MYO9B: variants seen among roughly 807,000 people sequenced by gnomAD.
MYO9B encodes the protein myosin IXB, also known as unconventional myosin-IXb.
Under a neutral mutation model 229.5 loss-of-function variants are expected in MYO9B, and 71 were observed. The observed-to-expected ratio is 0.31, with a 90% CI of 0.26 to 0.38. MYO9B has a LOEUF of 0.38. Ranked by LOEUF, MYO9B falls within the 10% of genes least tolerant of loss-of-function variation. The probability of loss-of-function intolerance (pLI) is 1.00; values close to 1 mark genes in which losing one functional copy is unlikely to be tolerated. For missense variants in MYO9B, 2,255 were observed against 2,920.5 expected, an observed-to-expected ratio of 0.77 and a Z score of 5.25; for synonymous variants, 1,185 against 1,235.8, an observed-to-expected ratio of 0.96 and a Z score of 0.86.
Position 17,183,817 on chromosome 19 carries a change from A to G in MYO9B, c.2334-12A>G. On this transcript the variant is annotated splice_polypyrimidine_tract_variant and intron_variant, in intron 15 of 39. Transcript: ENST00000682292. Reference sequence around the variant, plus strand: ...CCTTTTGTTCACAAAACCATTTTTAATATTTTGACAGGAAAAGTAAAGGTA... The same window carrying G: ...CCTTTTGTTCACAAAACCATTTTTAGTATTTTGACAGGAAAAGTAAAGGTA... 2 of 1,556,582 alleles carry G rather than the reference A, an allele frequency of 1.3e-6. No homozygotes were observed. The highest frequency in any genetic ancestry group is 1.7e-6 in the Non-Finnish European group (2 of 1,154,168).
At chr19:17,144,600 CA>C (rs967239561) in intron 2 of MYO9B, among the ~76,000 whole-genome samples, 103 of 131,674 alleles carry the variant, frequency 7.8e-4, no homozygotes, top group Non-Finnish European at 7.6e-4. Flanking sequence ...CTGTCTCAAA[CA>C]AAAAAAAAAA....
rs751047844 is a variant in MYO9B, at chr19:17,206,141, C to T, written c.5246C>T (p.Ala1749Val). 82 of 1,606,644 alleles carry T rather than the reference C, an allele frequency of 5.1e-5. No individual in the cohort carries two copies. The highest frequency in any genetic ancestry group is 1.3e-4 in the South Asian group (12 of 90,688). ...AANRTRELRQ[A>V]LQTDPAAVKL... is the part of the protein sequence containing the mutation. ...AACCGCACTCGGGAGCTCCGGCAGG[C>T]GCTGCAGACAGGTGGGCGCTGTGGG... Residue 1749 changes from alanine to valine, a missense_variant, in exon 32 of 40, where the codon GCG becomes GTG. Physicochemically the swap from Ala to Val is moderately conservative, Grantham distance 64. Coordinates refer to ENST00000682292, the MANE Select transcript of MYO9B (RefSeq NM_004145.4).
At chr19:17,128,710 C>T (rs911527867) in intron 2 of MYO9B, among the ~76,000 whole-genome samples, 8 of 152,224 alleles carry the variant, frequency 5.3e-5, no homozygotes, top group Non-Finnish European at 1.2e-4. Flanking sequence ...TCCGTGGCCT[C>T]GGGACGAGTG....
At chr19:17,121,986 C>CAA (rs78785498) in intron 2 of MYO9B, among the ~76,000 whole-genome samples, 15 of 133,356 alleles carry the variant, frequency 1.1e-4, no homozygotes, top group Admixed American at 3.0e-4. Flanking sequence ...AACCCTGTCT[C>CAA]AAAAAAAAAA....
In MYO9B at chr19:17,147,730, G is replaced by T. The variant is rs1252946398; in HGVS notation, c.935+2239G>T. 2.4e-5 allele frequency among the ~76,000 whole-genome samples: 3 copies of T among 123,510 alleles called. No homozygotes were observed. The East Asian group carries it at 7.5e-4, about 31-fold the overall frequency. 81.0% of individuals were successfully genotyped at this position (123,510 alleles called of 152,430 possible). The stretch of plus-strand genomic sequence containing the variant: ...GACAGAGTTTCGCTCTTATTGCCCA[G>T]GCTGGAGTACAATGGCGTGATCTCG... On this transcript the variant is annotated intron_variant, in intron 3 of 39. Coordinates refer to ENST00000682292, the MANE Select transcript of MYO9B (RefSeq NM_004145.4).
chr19:17,203,625 A>G (rs1177731856), intron 30 of MYO9B, among the ~76,000 whole-genome samples: 1 of 151,626 alleles, frequency 6.6e-6, no homozygotes, highest in African/African-American at 2.4e-5. Context: ...AAAAAAAAAA[A>G]AAAAGGTCTT....
intron 2 of MYO9B, among the ~76,000 whole-genome samples, chr19:17,120,659 A>AG (rs2057954107): frequency 1.4e-5 from 2 of 144,014 alleles, no homozygotes; most frequent in Non-Finnish European, 1.5e-5. Flanking sequence ...AAAAAAAAAA[A>AG]AAAGATAGAT....
chr19:17,094,773 C>G (rs1250170191), intron 1 of MYO9B, among the ~76,000 whole-genome samples: 1 of 151,964 alleles, frequency 6.6e-6, no homozygotes, highest in African/African-American at 2.4e-5. Context: ...GAAACCCAGT[C>G]TCTACTAAAA....
At chr19:17,176,327 C>T (rs1412830597) in intron 14 of MYO9B, among the ~76,000 whole-genome samples, 1 of 151,644 alleles carries the variant, frequency 6.6e-6, no homozygotes, top group African/African-American at 2.4e-5. Flanking sequence ...TGAGCCACTG[C>T]ACCCTGCCTA....
chr19:17,200,563 A>G, intron 25 of MYO9B, 76 bp from the exon 26 acceptor site: 1 of 1,519,374 alleles, frequency 6.6e-7, no homozygotes, highest in African/African-American at 1.4e-5. Context: ...GGCCCTGGAT[A>G]AAGGCGTGCC....
At chr19:17,202,498 C>T (rs1047990012) in intron 28 of MYO9B, among the ~76,000 whole-genome samples, 195 bp downstream of exon 28, 8 of 151,650 alleles carry the variant, frequency 5.3e-5, no homozygotes, top group African/African-American at 1.9e-4. Flanking sequence ...ATCACTTATG[C>T]CACACCCACC....
At chr19:17,204,004 T>A (rs2073135035) in intron 30 of MYO9B, among the ~76,000 whole-genome samples, 1 of 152,026 alleles carries the variant, frequency 6.6e-6, no homozygotes, top group South Asian at 2.1e-4. Context: ...CCAGGCAGCC[T>A]CCAGAGGCCC....
intron 2 of MYO9B, among the ~76,000 whole-genome samples, chr19:17,115,328 G>A (rs910452646): frequency 9.2e-5 from 14 of 152,166 alleles, no homozygotes; most frequent in South Asian, 8.3e-4. Flanking sequence ...AATTGCACCC[G>A]AGACACTGCA....
At chr19:17,161,987 CAAA>C (rs71180369) in intron 8 of MYO9B, among the ~76,000 whole-genome samples, 12 of 110,218 alleles carry the variant, frequency 1.1e-4, no homozygotes, top group Admixed American at 9.7e-5. Context: ...GACCCTGTGT[CAAA>C]AAAAAAAAAA....
intron 14 of MYO9B, among the ~76,000 whole-genome samples, chr19:17,180,341 A>ATTTTTTTTT: frequency 2.3e-5 from 2 of 87,984 alleles, no homozygotes; most frequent in Non-Finnish European, 4.1e-5. Flanking sequence ...GATGGAAATA[A>ATTTTTTTTT]TTTTTTTTTT....
intron 2 of MYO9B, among the ~76,000 whole-genome samples, chr19:17,124,098 A>G (rs576610985): frequency 6.6e-6 from 1 of 152,072 alleles, no homozygotes; most frequent in Admixed American, 6.6e-5. Flanking sequence ...TATGTTGCCC[A>G]GGGTGGTCTC....
chr19:17,206,453 G>T, intron 33 of MYO9B, 77 bp downstream of exon 33: 1 of 1,548,462 alleles, frequency 6.5e-7, no homozygotes, highest in Non-Finnish European at 8.7e-7. Context: ...AGCCCAGGAG[G>T]CAGGACCACC....
At chr19:17,129,930 C>T (rs1483629730) in intron 2 of MYO9B, among the ~76,000 whole-genome samples, 1 of 152,162 alleles carries the variant, frequency 6.6e-6, no homozygotes, top group African/African-American at 2.4e-5. Flanking sequence ...ATCCCTCTCC[C>T]TCAGCCTCCT....
At chr19:17,201,833 TAAG>T in intron 26 of MYO9B, 90 bp from the exon 27 acceptor site, 1 of 878,012 alleles carries the variant, frequency 1.1e-6, no homozygotes, top group South Asian at 1.5e-5. Context: ...GGGGATGACT[TAAG>T]AGAGGATAGA....
Sources: gnomAD v4.1 joint callset for allele counts (sites outside exome capture counted in the v4.1 genomes callset) on GRCh38, gnomAD v4.1.1 for gene constraint, MANE v1.5 for transcripts, NCBI Gene and HGNC (gene_info 2026-07-23, HGNC 2026-07-21) for gene names.